The following SP140L variants were observed in gnomAD, a reference collection of about 807,000 sequenced individuals.
SP140L encodes SP140 like nuclear body protein, also known as nuclear body protein SP140-like protein.
SP140L carries 64 observed loss-of-function variants against 84.3 expected under a neutral mutation model. The ratio of observed to expected loss-of-function variants is 0.76; its 90% CI spans 0.62 to 0.94. The LOEUF (loss-of-function observed/expected upper bound fraction) is 0.94, where lower values mean the gene tolerates loss of function less well. Among genes scored for constraint, SP140L ranks in the 40% least tolerant of loss-of-function variants. The pLI, the probability that SP140L is intolerant of heterozygous loss-of-function variation, is 0.00. For synonymous variants in SP140L, 242 were observed against 236.9 expected (o/e 1.02, Z -0.20); for missense variants, 628 against 692.5 (o/e 0.91, Z 1.05).
intron 2 of SP140L, among the ~76,000 whole-genome samples, chr2:230,356,142 G>A (rs1198409313): frequency 1.3e-5 from 2 of 152,142 alleles, no homozygotes; most frequent in Non-Finnish European, 2.9e-5. Flanking sequence ...ACACTGGAAT[G>A]GCTAAAACTA....
intron 7 of SP140L, among the ~76,000 whole-genome samples, chr2:230,381,735 C>T (rs919423312): frequency 0.011 from 1,598 of 150,612 alleles, 30 homozygotes; most frequent in African/African-American, 0.035. Context: ...CACACACACA[C>T]ACACACACAC....
intron 14 of SP140L, among the ~76,000 whole-genome samples, chr2:230,399,309 AC>A (rs1406053725): frequency 6.6e-6 from 1 of 152,214 alleles, no homozygotes; most frequent in African/African-American, 2.4e-5. Context: ...TAAAGGTCTC[AC>A]ATATTGAGAC....
chr2:230,362,262 A>G (rs2060742540), intron 5 of SP140L, among the ~76,000 whole-genome samples: 1 of 152,192 alleles, frequency 6.6e-6, no homozygotes, highest in Non-Finnish European at 1.5e-5. Flanking sequence ...TGGGGTTGTT[A>G]TGCATAACAG....
At chr2:230,360,972 G>T (rs372248043) in intron 4 of SP140L, among the ~76,000 whole-genome samples, 4 of 152,108 alleles carry the variant, frequency 2.6e-5, no homozygotes, top group Non-Finnish European at 4.4e-5. Flanking sequence ...TGGAGATAGG[G>T]TCTCACTCTG....
intron 2 of SP140L, among the ~76,000 whole-genome samples, chr2:230,331,725 A>G (rs2059729815): frequency 6.6e-6 from 1 of 152,210 alleles, no homozygotes; most frequent in Non-Finnish European, 1.5e-5. Flanking sequence ...GTATTTGTAA[A>G]CAGGAACTCG....
intron 5 of SP140L, among the ~76,000 whole-genome samples, chr2:230,368,255 G>A (rs2060948091): frequency 6.6e-6 from 1 of 152,086 alleles, no homozygotes; most frequent in African/African-American, 2.4e-5. Flanking sequence ...ACAGTATTTT[G>A]GTGGGCAGTT....
intron 5 of SP140L, among the ~76,000 whole-genome samples, chr2:230,368,238 GC>G (rs1297659617): frequency 6.6e-6 from 1 of 152,100 alleles, no homozygotes; most frequent in Non-Finnish European, 1.5e-5. Flanking sequence ...GGACACCTTT[GC>G]CAAATACAGT....
At chr2:230,378,625 G>A (rs529808078) in intron 7 of SP140L, among the ~76,000 whole-genome samples, 1 of 152,294 alleles carries the variant, frequency 6.6e-6, no homozygotes, top group East Asian at 1.9e-4. Flanking sequence ...TTGATCAGGA[G>A]TGGAAAGTAG....
chr2:230,359,988 T>TTGGTATTGGTGCTATACCAAACTAAAG (rs1210965833), intron 4 of SP140L, among the ~76,000 whole-genome samples: 8 of 151,074 alleles, frequency 5.3e-5, no homozygotes, highest in East Asian at 3.9e-4. Context: ...AAACTAAAGT[T>TTGGTATTGGTGCTATACCAAACTAAAG]TTGATTCTTG....
chr2:230,340,374 C>G (rs2060004227), intron 2 of SP140L, among the ~76,000 whole-genome samples: 1 of 148,324 alleles, frequency 6.7e-6, no homozygotes, highest in Admixed American at 6.7e-5. Context: ...TTATTTTGAG[C>G]CAATGTGTGT....
At chr2:230,354,558 A>G (rs756258224) in intron 2 of SP140L, among the ~76,000 whole-genome samples, 2 of 152,150 alleles carry the variant, frequency 1.3e-5, no homozygotes, top group Non-Finnish European at 2.9e-5. Flanking sequence ...ACTTGAAGCC[A>G]GGAGTTCAAG....
chr2:230,330,727 CCTT>C lies in SP140L; in HGVS notation c.107+1900_107+1902del, dbSNP rs2059702720. Among the ~76,000 whole-genome samples, 3 of 152,278 alleles carry C rather than the reference CCTT, an allele frequency of 2.0e-5. No homozygotes were observed. In the South Asian group the frequency reaches 6.2e-4, roughly 32 times the overall value. ...TTATGCTATTATTAACTATAGTAGTCCTTCTTTATCCACGGTTTCACTTTCTGA... is the reference window on the plus strand; with the variant it reads ...TTATGCTATTATTAACTATAGTAGTCCTTTATCCACGGTTTCACTTTCTGA... On this transcript the variant is annotated intron_variant, in intron 2 of 18. Transcript: ENST00000415673.
At chr2:230,354,897 G>GA (rs6147221) in intron 2 of SP140L, among the ~76,000 whole-genome samples, 1 of 114,318 alleles carries the variant, frequency 8.7e-6, no homozygotes. Flanking sequence ...AAGAAAGAAA[G>GA]GAAAGAGAAA....
intron 7 of SP140L, among the ~76,000 whole-genome samples, chr2:230,379,256 G>A (rs2061335426): frequency 6.6e-6 from 1 of 151,968 alleles, no homozygotes; most frequent in Non-Finnish European, 1.5e-5. Context: ...ATCTTCTGTG[G>A]TAGTGTTGAC....
intron 2 of SP140L, among the ~76,000 whole-genome samples, chr2:230,354,845 AAAG>A (rs1476299998): frequency 4.4e-5 from 5 of 113,988 alleles, no homozygotes; most frequent in Non-Finnish European, 7.3e-5. Context: ...AGAAAGAAAG[AAAG>A]GAAAGAAAGA....
At position 230,378,080 on chromosome 2, in the gene SP140L, C is replaced by T. The variant is rs75004567; in HGVS notation, c.638-5430C>T. Among the ~76,000 whole-genome samples the T allele has an allele frequency of 1.9e-4, 29 of 152,236 alleles. No individual in the cohort carries two copies. The East Asian group carries it at 5.4e-3, about 28-fold the overall frequency. On this transcript the variant is annotated intron_variant, in intron 7 of 18. Coordinates refer to ENST00000415673, the MANE Select transcript of SP140L (RefSeq NM_138402.6). The stretch of plus-strand genomic sequence containing the variant: ...TTTGTTGAAAAAAGTATCCTTTCTG[C>T]ATTGAATTAGTTACTTTGACGTCCT...
At chr2:230,387,272 C>T (rs538361145) in intron 9 of SP140L, among the ~76,000 whole-genome samples, 1 of 152,338 alleles carries the variant, frequency 6.6e-6, no homozygotes, top group East Asian at 1.9e-4. Context: ...TTAAACTCTT[C>T]TAAAGCTCTT....
At chr2:230,397,797 G>A (rs922477638) in intron 14 of SP140L, among the ~76,000 whole-genome samples, 17 of 152,118 alleles carry the variant, frequency 1.1e-4, no homozygotes, top group African/African-American at 3.9e-4. Flanking sequence ...TGATTTTGAT[G>A]CCCGGCCAAC....
Position 230,389,513 on chromosome 2 carries a change from C to G in SP140L, c.860-406C>G, listed in dbSNP as rs182867127. Among the ~76,000 whole-genome samples the G allele has an allele frequency of 5.3e-5, 8 of 152,138 alleles. No homozygotes were observed. The East Asian group carries it at 1.5e-3, about 29-fold the overall frequency. On this transcript the variant is annotated intron_variant, in intron 10 of 18. Coordinates refer to ENST00000415673, the MANE Select transcript of SP140L (RefSeq NM_138402.6). ...CTCTCCCTCCTTGACCAGTCAGTGC[C>G]CAAATGGGAGACTGATTATGGTCTC...
Sources: allele counts gnomAD v4.1 joint callset (sites outside exome capture counted in the v4.1 genomes callset), GRCh38; gene constraint gnomAD v4.1.1; transcripts MANE v1.5; gene names NCBI Gene and HGNC (gene_info 2026-07-23, HGNC 2026-07-21).